The following KLHL38 variants were observed in gnomAD, a reference collection of about 807,000 sequenced individuals.
The protein encoded by KLHL38 is kelch-like protein 38.
A neutral mutation model predicts 39.6 loss-of-function variants in KLHL38; 38 were observed. The observed-to-expected ratio is 0.96, with a 90% confidence interval of 0.74 to 1.26. KLHL38 has a LOEUF of 1.26. KLHL38 is among the 50% of genes most tolerant of loss of function. The pLI is 0.00. For missense variants in KLHL38, 803 were observed against 748.1 expected (o/e 1.07, Z -0.86); for synonymous variants, 322 against 302.2 (o/e 1.07, Z -0.68).
intron 2 of KLHL38, among the ~76,000 whole-genome samples, chr8:123,650,959 A>G (rs1812630872): frequency 6.6e-6 from 1 of 152,198 alleles, no homozygotes; most frequent in Admixed American, 6.5e-5. Flanking sequence ...GGACTTCACT[A>G]TCTGACTTTC....
chr8:123,652,684 G>C lies in KLHL38; in HGVS notation c.243C>G (p.Asp81Glu), dbSNP rs1812677159. The change falls in exon 2 of 4, where the codon GAC becomes GAG. Residue 81 changes from aspartate (D) to glutamate (E), a missense_variant. Physicochemically the swap from Asp to Glu is conservative, Grantham distance 45. Coordinates refer to ENST00000684634, the MANE Select transcript of KLHL38 (RefSeq NM_001081675.3). ...AGACGATCTGGTCCAGGGTTGGGGG[G>C]TCAATGCCTTTCAGCTGCACTTTGG... ...SEAKVQLKGI[D>E]PPTLDQIVSY... 3 of 1,614,218 alleles carry C rather than the reference G, an allele frequency of 1.9e-6. No individual in the cohort carries two copies. The highest frequency in any genetic ancestry group is 2.5e-6 in the Non-Finnish European group (3 of 1,180,034).
chr8:123,648,327 T>C (rs1444764858), intron 2 of KLHL38, among the ~76,000 whole-genome samples: 1 of 152,172 alleles, frequency 6.6e-6, no homozygotes, highest in Non-Finnish European at 1.5e-5. Flanking sequence ...TGGCTCTGTC[T>C]GGAGCCATGA....
rs897100913 is a variant in KLHL38, at chr8:123,645,156, A to G, written c.*583T>C. Among the ~76,000 whole-genome samples, 1 of 152,014 alleles carries G rather than the reference A, an allele frequency of 6.6e-6. No individual in the cohort carries two copies. The highest frequency in any genetic ancestry group is 2.4e-5 in the African/African-American group (1 of 41,392). On this transcript the variant is annotated 3_prime_UTR_variant, in exon 4 of 4. Coordinates refer to ENST00000684634, the MANE Select transcript of KLHL38 (RefSeq NM_001081675.3). ...ACAGAAACTGAGACAGAAAGGAGAC[A>G]GGCCAGGCGTGGTGGCTCACGCCTG...
Position 123,651,617 on chromosome 8 carries a change from C to T in KLHL38, c.1310G>A (p.Gly437Glu), listed in dbSNP as rs200289283. The change falls in exon 2 of 4, where the codon GGA (glycine) becomes GAA (glutamate). Residue 437 changes from glycine to glutamate, a missense_variant. Transcript: ENST00000684634. ...AVKDQRLYLF[G>E]GEDIMQNPVR... is the part of the protein sequence containing the mutation. ...AGGGTTCTGCATGATGTCCTCTCCT[C>T]CAAAGAGATAGAGTCTTTGGTCTTT... The T allele has an allele frequency of 3.5e-5, 56 of 1,607,394 alleles. No individual in the cohort carries two copies. In the Admixed American group the frequency reaches 4.9e-4, roughly 14 times the overall value.
chr8:123,651,890 C>T lies in KLHL38; in HGVS notation c.1037G>A (p.Arg346Lys), dbSNP rs11780509. The stretch of plus-strand genomic sequence containing the variant: ...GTAGACATTGTGACTGACCAGACTC[C>T]TCCCTGAGCTGACAGCCATGCCCCC... Reference protein sequence around the residue: ...VLGGMAVSSGRSLVSHNVYIF... With the variant: ...VLGGMAVSSGKSLVSHNVYIF... Residue 346 changes from arginine (R) to lysine (K), a missense_variant, in exon 2 of 4, where the codon AGG becomes AAG. Arg to Lys is a conservative substitution (Grantham distance 26, BLOSUM62 2). Transcript: ENST00000684634. 0.77 allele frequency: 1,243,452 copies of T among 1,614,010 alleles called. 480,559 individuals are homozygous for T. Among genetic ancestry groups the T allele is most frequent in the Non-Finnish European group, 0.79 (929,682 of 1,179,984 alleles).
chr8:123,645,621 G>T lies in KLHL38; in HGVS notation c.*118C>A. The T allele has an allele frequency of 8.9e-7, 1 of 1,118,514 alleles. No individual in the cohort carries two copies. The highest frequency in any genetic ancestry group is 1.3e-6 in the Non-Finnish European group (1 of 773,690). 69.3% of individuals were successfully genotyped at this position (1,118,514 alleles called of 1,614,324 possible). ...GCCTAGTTCCAGGCCTCCCGACTCT[G>T]GTACCTCAGTCTTGTGAGCTCTCCC... On this transcript the variant is annotated 3_prime_UTR_variant, in exon 4 of 4. Coordinates refer to ENST00000684634, the MANE Select transcript of KLHL38 (RefSeq NM_001081675.3).
In KLHL38 at chr8:123,645,178, C is replaced by A. The variant is rs1349263411; in HGVS notation, c.*561G>T. Among the ~76,000 whole-genome samples the A allele has an allele frequency of 6.6e-6, 1 of 151,982 alleles. No individual in the cohort carries two copies. The highest frequency in any genetic ancestry group is 2.4e-5 in the African/African-American group (1 of 41,386). ...GACAGGCCAGGCGTGGTGGCTCACG[C>A]CTGTAATCTCAGCATTTGGGAGGCT... is the stretch of plus-strand genomic sequence containing the variant. On this transcript the variant is annotated 3_prime_UTR_variant, in exon 4 of 4. Coordinates refer to ENST00000684634, the MANE Select transcript of KLHL38 (RefSeq NM_001081675.3).
chr8:123,645,834 C>T lies in KLHL38; in HGVS notation c.1651G>A (p.Asp551Asn). ...ASFDCYDPETDTWTSQGQLPH... is the reference protein window; with the variant it reads ...ASFDCYDPETNTWTSQGQLPH... ...AGCTGTCCCTGGGATGTCCAGGTGT[C>T]CGTCTCGGGGTCGTAGCAATCGAAG... The change falls in exon 4 of 4, where the codon GAC becomes AAC. Residue 551 changes from aspartate (D) to asparagine (N), a missense_variant. Asp to Asn is a conservative substitution (Grantham distance 23). Coordinates refer to ENST00000684634, the MANE Select transcript of KLHL38 (RefSeq NM_001081675.3). 1 of 1,613,854 alleles carries T rather than the reference C, an allele frequency of 6.2e-7. No homozygotes were observed.
At chr8:123,650,026 A>G (rs544009062) in intron 2 of KLHL38, among the ~76,000 whole-genome samples, 259 of 151,936 alleles carry the variant, frequency 1.7e-3, no homozygotes, top group Middle Eastern at 3.4e-3. Context: ...TCTCCCTCTA[A>G]GTCGGATCTT....
In KLHL38 at chr8:123,652,548, A is replaced by G. The variant is rs1007835506; in HGVS notation, c.379T>C (p.Leu127=). Residue 127 remains leucine (L), a synonymous_variant, in exon 2 of 4, where the codon TTG becomes CTG. Transcript: ENST00000684634. ...TTGCTGGGGGCCAACTGGCTCTGCAAGTACGAGGAGCAGGCCTCAAACAGC... is the reference window on the plus strand; with the variant it reads ...TTGCTGGGGGCCAACTGGCTCTGCAGGTACGAGGAGCAGGCCTCAAACAGC... ...PKLFEACSSY[L]QSQLAPSNCL... 1.9e-6 allele frequency: 3 copies of G among 1,614,078 alleles called. No individual in the cohort carries two copies. Among genetic ancestry groups the G allele is most frequent in the African/African-American group, 1.3e-5 (1 of 74,940 alleles).
intron 1 of KLHL38, 33 bp from the exon 2 acceptor site, chr8:123,652,960 C>A: frequency 6.4e-7 from 1 of 1,554,606 alleles, no homozygotes. Context: ...CCAGAGTCAG[C>A]AAGAGTCAAA....
intron 2 of KLHL38, 83 bp downstream of exon 2, chr8:123,651,494 G>A: frequency 1.4e-6 from 2 of 1,406,580 alleles, no homozygotes; most frequent in Non-Finnish European, 1.9e-6. Context: ...ATGTATACAT[G>A]TGCATGTGTG....
At chr8:123,646,099 C>A in intron 3 of KLHL38, 71 bp from the exon 4 acceptor site, 1 of 1,370,208 alleles carries the variant, frequency 7.3e-7, no homozygotes, top group Non-Finnish European at 1.0e-6. Flanking sequence ...AGTCCTGGGA[C>A]GCGTCTGACT....
At chr8:123,648,003 C>T (rs1347366618) in intron 2 of KLHL38, among the ~76,000 whole-genome samples, 1 of 152,144 alleles carries the variant, frequency 6.6e-6, no homozygotes, top group Non-Finnish European at 1.5e-5. Context: ...ATCACTAGAG[C>T]CCTGGAGGTG....
chr8:123,645,700 G>T lies in KLHL38; in HGVS notation c.*39C>A. The T allele has an allele frequency of 6.2e-7, 1 of 1,602,086 alleles. No homozygotes were observed. Among genetic ancestry groups the T allele is most frequent in the Non-Finnish European group, 8.5e-7 (1 of 1,171,870 alleles). ...AGCTGGGTTTGTGTCCCTGGCGACA[G>T]AAGGCATTTTGACTAGGGCAGAAGG... On this transcript the variant is annotated 3_prime_UTR_variant, in exon 4 of 4. Transcript: ENST00000684634.
chr8:123,648,426 G>T (rs1002210402), intron 2 of KLHL38, among the ~76,000 whole-genome samples: 1 of 152,206 alleles, frequency 6.6e-6, no homozygotes, highest in Non-Finnish European at 1.5e-5. Flanking sequence ...AATCCTGGAA[G>T]AGGCCAAGTG....
Position 123,651,570 on chromosome 8 carries a change from C to T in KLHL38, c.1350+7G>A, listed in dbSNP as rs758017192. On this transcript the variant is annotated splice_region_variant and intron_variant, in intron 2 of 3. Coordinates refer to ENST00000684634, the MANE Select transcript of KLHL38 (RefSeq NM_001081675.3). ...CAGTTACGTGATGGGAAGAACCGGC[C>T]ATTTACCTGGATAAGGCGCACAGGG... 1 of 1,552,016 alleles carries T rather than the reference C, an allele frequency of 6.4e-7. No homozygotes were observed. The highest frequency in any genetic ancestry group is 1.9e-5 in the Admixed American group (1 of 52,532).
At chr8:123,653,514 A>G (rs1812695810) in intron 1 of KLHL38, among the ~76,000 whole-genome samples, 72 bp downstream of exon 1, 2 of 152,216 alleles carry the variant, frequency 1.3e-5, no homozygotes, top group African/African-American at 4.8e-5. Flanking sequence ...GGAAAGACCA[A>G]ACAATCCCCT....
Position 123,651,903 on chromosome 8 carries a change from C to G in KLHL38, c.1024G>C (p.Val342Leu), listed in dbSNP as rs752211216. 15 of 1,614,208 alleles carry G rather than the reference C, an allele frequency of 9.3e-6. No individual in the cohort carries two copies. The South Asian group carries it at 1.5e-4, about 17-fold the overall frequency. Reference protein sequence around the residue: ...RSIYVLGGMAVSSGRSLVSHN... With the variant: ...RSIYVLGGMALSSGRSLVSHN... ...CTGACCAGACTCCTCCCTGAGCTGA[C>G]AGCCATGCCCCCCAGCACATAGATG... Residue 342 changes from valine to leucine, a missense_variant, in exon 2 of 4, where the codon GTC (valine) becomes CTC (leucine). Coordinates refer to ENST00000684634, the MANE Select transcript of KLHL38 (RefSeq NM_001081675.3).
Sources: allele counts gnomAD v4.1 joint callset (sites outside exome capture counted in the v4.1 genomes callset), GRCh38; gene constraint gnomAD v4.1.1; transcripts MANE v1.5; gene names NCBI Gene and HGNC (gene_info 2026-07-23, HGNC 2026-07-21).